Variants in WDR72 observed in about 807,000 individuals in gnomAD.
WDR72 encodes WD repeat-containing protein 72.
WDR72 carries 120 observed loss-of-function variants against 124.2 expected under a neutral mutation model. The ratio of observed to expected loss-of-function variants is 0.97; its 90% CI spans 0.83 to 1.12. WDR72 has a LOEUF of 1.12. WDR72 is among the 50% of genes most tolerant of loss of function. The pLI is 0.00. For missense variants in WDR72, 1,387 were observed against 1,278.8 expected (o/e 1.08, Z -1.29); for synonymous variants, 452 against 441.7 (o/e 1.02, Z -0.29).
intron 19 of WDR72, among the ~76,000 whole-genome samples, chr15:53,521,975 T>G (rs1055667819): frequency 3.3e-5 from 5 of 152,072 alleles, no homozygotes; most frequent in South Asian, 4.1e-4. Flanking sequence ...GTTAATTTGC[T>G]CATTAAACAT....
chr15:53,657,132 C>T (rs187550772), intron 14 of WDR72, among the ~76,000 whole-genome samples: 131 of 151,756 alleles, frequency 8.6e-4, no homozygotes, highest in African/African-American at 3.1e-3. Flanking sequence ...GTTGTGGTGG[C>T]ATGCACTTGT....
At chr15:53,518,580 A>G (rs1458329940) in intron 19 of WDR72, among the ~76,000 whole-genome samples, 1 of 151,534 alleles carries the variant, frequency 6.6e-6, no homozygotes, top group Non-Finnish European at 1.5e-5. Flanking sequence ...ATTCTTCTAG[A>G]TTTTTTTTAG....
At chr15:53,698,247 G>T (rs1352504656) in intron 13 of WDR72, among the ~76,000 whole-genome samples, 1 of 152,124 alleles carries the variant, frequency 6.6e-6, no homozygotes, top group Non-Finnish European at 1.5e-5. Context: ...GGGAAAAGGG[G>T]ACCATAAACA....
intron 18 of WDR72, among the ~76,000 whole-genome samples, chr15:53,569,273 C>G (rs1440827723): frequency 6.6e-6 from 1 of 151,928 alleles, no homozygotes. Context: ...CTGGGACACA[C>G]TATTTCATTT....
intron 6 of WDR72, among the ~76,000 whole-genome samples, chr15:53,713,142 T>A (rs2017594610): frequency 6.8e-6 from 1 of 147,600 alleles, no homozygotes; most frequent in Admixed American, 6.9e-5. Flanking sequence ...GCGTATGTAC[T>A]CCTGAAAGTT....
intron 13 of WDR72, among the ~76,000 whole-genome samples, chr15:53,676,785 T>C (rs1156558839): frequency 6.6e-6 from 1 of 152,210 alleles, no homozygotes; most frequent in East Asian, 1.9e-4. Flanking sequence ...TGTTTTGAGC[T>C]GCTAAGTTTG....
chr15:53,659,356 G>A (rs979666232), intron 14 of WDR72, among the ~76,000 whole-genome samples: 5 of 152,096 alleles, frequency 3.3e-5, no homozygotes, highest in Non-Finnish European at 7.4e-5. Flanking sequence ...CCACCGGCAC[G>A]TGCTGCACAA....
chr15:53,553,193 T>C (rs1361247228), intron 18 of WDR72, among the ~76,000 whole-genome samples: 2 of 152,162 alleles, frequency 1.3e-5, no homozygotes, highest in Non-Finnish European at 2.9e-5. Flanking sequence ...GGCTTCATCA[T>C]TAAAAAATTC....
chr15:53,688,692 T>G (rs1412057024), intron 13 of WDR72, among the ~76,000 whole-genome samples: 1 of 152,124 alleles, frequency 6.6e-6, no homozygotes. Flanking sequence ...AATGCCTTTC[T>G]TCACAGAATT....
rs1555428779 is a variant in WDR72 at position 53,726,264 on chromosome 15, G to GTGTA, written c.154-3357_154-3356insTACA. Among the ~76,000 whole-genome samples, 395 of 110,344 alleles carry GTGTA rather than the reference G, an allele frequency of 3.6e-3. 13 individuals are homozygous for GTGTA. The highest frequency in any genetic ancestry group is 0.016 in the African/African-American group (350 of 21,962). The allele number at this position is 110,344 out of a possible 152,430, so 72.4% of individuals were successfully genotyped here. ...TGTGTGTATATATATATGTATGTGT[G>GTGTA]TATATATATATATATATATATACAC... is the stretch of plus-strand genomic sequence containing the variant. On this transcript the variant is annotated intron_variant, in intron 2 of 19. Coordinates refer to ENST00000360509, the MANE Select transcript of WDR72 (RefSeq NM_182758.4).
At chr15:53,734,819 A>C (rs2018303265) in intron 1 of WDR72, among the ~76,000 whole-genome samples, 1 of 116,334 alleles carries the variant, frequency 8.6e-6, no homozygotes, top group Non-Finnish European at 2.0e-5. Context: ...AAAAAAAAAA[A>C]ATAATAATAT....
intron 18 of WDR72, among the ~76,000 whole-genome samples, chr15:53,546,553 T>C (rs1046072598): frequency 1.3e-5 from 2 of 151,906 alleles, no homozygotes; most frequent in African/African-American, 2.4e-5. Flanking sequence ...TTGGGAGATA[T>C]ACCTAATGCT....
chr15:53,530,578 C>G (rs1892394567), intron 18 of WDR72, among the ~76,000 whole-genome samples: 1 of 151,670 alleles, frequency 6.6e-6, no homozygotes, highest in South Asian at 2.1e-4. Flanking sequence ...AAATAGATAC[C>G]CACATATTGA....
Position 53,597,627 on chromosome 15 carries a change from T to C in WDR72, c.2953-353A>G, listed in dbSNP as rs372507760. 3.9e-5 allele frequency among the ~76,000 whole-genome samples: 6 copies of C among 152,336 alleles called. No individual in the cohort carries two copies. In the East Asian group the frequency reaches 5.8e-4, roughly 15 times the overall value. ...AGAAAATTCATTTGAATTTATCCTA[T>C]GGCTCTTAAAGACAAGGTTAGATCC... On this transcript the variant is annotated intron_variant, in intron 17 of 19. Transcript: ENST00000360509.
At chr15:53,618,478 T>C (rs936755827) in intron 14 of WDR72, among the ~76,000 whole-genome samples, 1 of 152,054 alleles carries the variant, frequency 6.6e-6, no homozygotes, top group Non-Finnish European at 1.5e-5. Context: ...TTTGTCAATT[T>C]TGATACTCTT....
chr15:53,736,629 T>G (rs1404024502), intron 1 of WDR72, among the ~76,000 whole-genome samples: 1 of 152,106 alleles, frequency 6.6e-6, no homozygotes, highest in East Asian at 1.9e-4. Context: ...CTGAGGGGTG[T>G]TGAGCATCCT....
At chr15:53,725,153 CA>C (rs1026682795) in intron 2 of WDR72, among the ~76,000 whole-genome samples, 89 of 152,136 alleles carry the variant, frequency 5.9e-4, no homozygotes, top group African/African-American at 2.0e-3. Flanking sequence ...AAGATCTGAG[CA>C]GACACCTCAC....
intron 13 of WDR72, among the ~76,000 whole-genome samples, chr15:53,691,241 G>A (rs1407250141): frequency 6.6e-6 from 1 of 151,902 alleles, no homozygotes; most frequent in Non-Finnish European, 1.5e-5. Context: ...TATAGAGATG[G>A]GATCACACTA....
intron 13 of WDR72, among the ~76,000 whole-genome samples, chr15:53,668,406 G>A (rs2015852026): frequency 6.6e-6 from 1 of 152,180 alleles, no homozygotes; most frequent in South Asian, 2.1e-4. Flanking sequence ...GCTTTTGAAA[G>A]ACCTTGGTTA....
Sources: allele counts gnomAD v4.1 joint callset (sites outside exome capture counted in the v4.1 genomes callset), GRCh38; gene constraint gnomAD v4.1.1; transcripts MANE v1.5; gene names NCBI Gene and HGNC (gene_info 2026-07-23, HGNC 2026-07-21).